Variants in H2BC12 observed in about 807,000 individuals in gnomAD.
H2BC12 encodes histone H2B type 1-K.
Under a neutral mutation model 6.3 loss-of-function variants are expected in H2BC12, and 6 were observed. The ratio of observed to expected loss-of-function variants is 0.95; its 90% CI spans 0.52 to 1.87. The LOEUF is 1.87. H2BC12 is among the 40% of genes most tolerant of loss of function. The pLI is 0.01. For missense variants in H2BC12, 119 were observed against 178.4 expected, an observed-to-expected ratio of 0.67 and a Z score of 1.90; for synonymous variants, 132 against 78.5, an observed-to-expected ratio of 1.68 and a Z score of -3.60.
chr6:27,139,567 G>T, the H2BC12 span: 1 of 1,613,998 alleles, frequency 6.2e-7, no homozygotes, highest in Non-Finnish European at 8.5e-7. Flanking sequence ...CGCCATGGAC[G>T]TGGTCTACGC....
downstream of H2BC12, among the ~76,000 whole-genome samples, chr6:27,143,640 CA>C (rs1760033984): frequency 6.6e-6 from 1 of 150,848 alleles, no homozygotes; most frequent in Non-Finnish European, 1.5e-5. Context: ...AGAGACCAAA[CA>C]TATGATTGCC....
At chr6:27,139,477 G>A in the H2BC12 span, 1 of 1,614,180 alleles carries the variant, frequency 6.2e-7, no homozygotes, top group South Asian at 1.1e-5. Context: ...GGAGACCCGC[G>A]GAGTGTTGAA....
At chr6:27,139,404 G>T in the H2BC12 span, 1 of 1,614,234 alleles carries the variant, frequency 6.2e-7, no homozygotes, top group Non-Finnish European at 8.5e-7. Flanking sequence ...GTATCACCAA[G>T]CCAGCCATTC....
Position 27,146,560 on chromosome 6 carries a change from C to G in H2BC12, c.239G>C (p.Arg80Pro). 6.2e-7 allele frequency: 1 copy of G among 1,614,212 alleles called. No homozygotes were observed. Among genetic ancestry groups the G allele is most frequent in the South Asian group, 1.1e-5 (1 of 91,090 alleles). ...IFERIAGEASRLAHYNKRSTI... is the reference protein window; with the variant it reads ...IFERIAGEASPLAHYNKRSTI... ...CGAGCGCTTGTTGTAATGCGCCAGG[C>G]GGGAAGCCTCACCCGCGATGCGTTC... The change falls in exon 1 of 1, where the codon CGC (arginine) becomes CCC (proline). Residue 80 changes from arginine (R) to proline (P), a missense_variant. By Grantham distance (103) the Arg-to-Pro change is moderately radical (BLOSUM62 -2). This residue lies in a region of H2BC12 where 69 missense variants were observed against 141.0 expected (regional missense o/e 0.49). Transcript: ENST00000356950.
At chr6:27,140,139 A>C in the H2BC12 span, among the ~76,000 whole-genome samples, 1 of 152,112 alleles carries the variant, frequency 6.6e-6, no homozygotes, top group African/African-American at 2.4e-5. Context: ...GGGCAGTCTT[A>C]AGAGTCTTAG....
downstream of H2BC12, among the ~76,000 whole-genome samples, chr6:27,144,460 TGGGGGGGGG>T (rs59570458): frequency 5.7e-5 from 1 of 17,624 alleles, no homozygotes; most frequent in African/African-American, 3.9e-4. Flanking sequence ...AGACTCTGTC[TGGGGGGGGG>T]GGGGGGGGCG....
At chr6:27,145,284 AAT>A (rs58304090), downstream of H2BC12, among the ~76,000 whole-genome samples, 2,061 of 139,766 alleles carry the variant, frequency 0.015, 53 homozygotes, top group African/African-American at 0.051. Context: ...TGCGTGGCCA[AAT>A]ATGTTAAATA....
downstream of H2BC12, among the ~76,000 whole-genome samples, chr6:27,142,638 T>G (rs1451081601): frequency 1.5e-5 from 2 of 135,982 alleles, no homozygotes; most frequent in Non-Finnish European, 3.1e-5. Flanking sequence ...CCCCCCTCCT[T>G]TTTTTTTTTT....
chr6:27,142,886 C>T (rs547845061), downstream of H2BC12, among the ~76,000 whole-genome samples: 190 of 152,014 alleles, frequency 1.2e-3, no homozygotes, highest in African/African-American at 4.3e-3. Context: ...CCACCCACCT[C>T]GGCCTCCCAA....
Position 27,146,483 on chromosome 6 carries a change from C to A in H2BC12, c.316G>T (p.Glu106Ter). 1 of 1,614,228 alleles carries A rather than the reference C, an allele frequency of 6.2e-7. No homozygotes were observed. Among genetic ancestry groups the A allele is most frequent in the Non-Finnish European group, 8.5e-7 (1 of 1,180,042 alleles). ...TCGGACACGGCGTGCTTGGCCAACT[C>A]CCCGGGCAGCAGCAGGCGCACGGCC... Reference protein sequence around the residue: ...QTAVRLLLPGELAKHAVSEGT... With the variant: ...QTAVRLLLPG Residue 106 changes from glutamate (E) to a stop codon, truncating the protein, a stop_gained, in exon 1 of 1, where the codon GAG becomes TAG. Coordinates refer to ENST00000356950, the MANE Select transcript of H2BC12 (RefSeq NM_001312653.2). LOFTEE classifies it high-confidence loss of function.
At chr6:27,142,193 A>G (rs146524851), downstream of H2BC12, among the ~76,000 whole-genome samples, 2 of 152,256 alleles carry the variant, frequency 1.3e-5, no homozygotes, top group Admixed American at 1.3e-4. Context: ...AAGATATTTA[A>G]TACATTCTGT....
At chr6:27,140,850 G>T in the H2BC12 span, among the ~76,000 whole-genome samples, 12 of 151,652 alleles carry the variant, frequency 7.9e-5, no homozygotes, top group South Asian at 1.2e-3. Flanking sequence ...TTATATATTT[G>T]AGTTTTAACT....
At chr6:27,144,700 T>TA (rs1256499082), downstream of H2BC12, among the ~76,000 whole-genome samples, 1 of 152,112 alleles carries the variant, frequency 6.6e-6, no homozygotes, top group Admixed American at 6.5e-5. Context: ...AGTCTAAAGG[T>TA]AATAACAGCA....
At chr6:27,139,600 C>A in the H2BC12 span, 6 of 1,610,676 alleles carry the variant, frequency 3.7e-6, no homozygotes, top group Non-Finnish European at 5.1e-6. Context: ...GGGCCGCACC[C>A]TCTATGGCTT....
downstream of H2BC12, among the ~76,000 whole-genome samples, chr6:27,143,526 A>T (rs1319778024): frequency 6.6e-6 from 1 of 151,784 alleles, no homozygotes; most frequent in Non-Finnish European, 1.5e-5. Context: ...TTGAAGAATT[A>T]CTAAGTTTTT....
downstream of H2BC12, among the ~76,000 whole-genome samples, chr6:27,144,935 G>A: frequency 6.6e-6 from 1 of 151,962 alleles, no homozygotes; most frequent in Non-Finnish European, 1.5e-5. Flanking sequence ...CTGGGACTAC[G>A]GGCACATGCT....
At chr6:27,146,243 A>T (rs16894325), downstream of H2BC12, among the ~76,000 whole-genome samples, 2,067 of 152,322 alleles carry the variant, frequency 0.014, 50 homozygotes, top group African/African-American at 0.045. Context: ...GCCAGACTCG[A>T]TTACAAGCAC....
At chr6:27,145,293 A>AACACACAC (rs573829681), downstream of H2BC12, among the ~76,000 whole-genome samples, 2 of 91,436 alleles carry the variant, frequency 2.2e-5, no homozygotes, top group African/African-American at 1.0e-4. Context: ...AAATATGTTA[A>AACACACAC]ATACACACAC....
chr6:27,141,681 G>A (rs1453421135), downstream of H2BC12, among the ~76,000 whole-genome samples: 1 of 152,140 alleles, frequency 6.6e-6, no homozygotes, highest in Non-Finnish European at 1.5e-5. Flanking sequence ...CAGTTTGTGG[G>A]CCTGAGAAAG....
Sources: allele counts gnomAD v4.1 joint callset (sites outside exome capture counted in the v4.1 genomes callset), GRCh38; gene constraint gnomAD v4.1.1; regional missense constraint gnomAD v4.1.1; transcripts MANE v1.5; gene names NCBI Gene and HGNC (gene_info 2026-07-23, HGNC 2026-07-21).